LRIG1: variants seen among roughly 807,000 people sequenced by gnomAD.
LRIG1 encodes leucine-rich repeats and immunoglobulin-like domains protein 1.
A neutral mutation model predicts 99.2 loss-of-function variants in LRIG1; 48 were observed. The observed-to-expected ratio is 0.48, with a 90% CI of 0.38 to 0.62. The LOEUF (loss-of-function observed/expected upper bound fraction) is 0.62. LRIG1 is among the 20% of genes least tolerant of loss of function. LRIG1 has a pLI of 0.00. For missense variants in LRIG1, 1,646 were observed against 1,434.4 expected, an observed-to-expected ratio of 1.15 and a Z score of -2.38; for synonymous variants, 772 against 596.1, an observed-to-expected ratio of 1.29 and a Z score of -4.30.
chr3:66,402,590 G>A (rs960704368), intron 9 of LRIG1, among the ~76,000 whole-genome samples: 1 of 151,938 alleles, frequency 6.6e-6, no homozygotes, highest in Non-Finnish European at 1.5e-5. Flanking sequence ...GTAACTCAGC[G>A]AAGGCAGGGG....
intron 1 of LRIG1, among the ~76,000 whole-genome samples, chr3:66,487,385 C>T (rs574225092): frequency 1.3e-5 from 2 of 152,286 alleles, no homozygotes; most frequent in South Asian, 2.1e-4. Flanking sequence ...TCCACACAGG[C>T]CAATCAGGAA....
chr3:66,406,316 T>C, intron 8 of LRIG1: 1 of 985,608 alleles, frequency 1.0e-6, no homozygotes, highest in Non-Finnish European at 1.2e-6. Flanking sequence ...TGTGGCTTTG[T>C]GTGCCTGTCT....
intron 1 of LRIG1, among the ~76,000 whole-genome samples, chr3:66,477,396 TG>T (rs144882228): frequency 0.02 from 3,055 of 152,304 alleles, 70 homozygotes; most frequent in East Asian, 0.049. Context: ...CAGGTAATTC[TG>T]GCAAGGCAAA....
chr3:66,390,861 A>G (rs527760866), intron 12 of LRIG1, among the ~76,000 whole-genome samples: 14 of 152,346 alleles, frequency 9.2e-5, no homozygotes, highest in African/African-American at 2.9e-4. Flanking sequence ...ACTATCAAGA[A>G]AATGAAAAAT....
chr3:66,497,704 CAAAAAAAAAAAA>C (rs71616223), intron 1 of LRIG1, among the ~76,000 whole-genome samples: 3 of 89,266 alleles, frequency 3.4e-5, no homozygotes, highest in East Asian at 8.0e-4. Flanking sequence ...GCACTGTTTA[CAAAAAAAAAAAA>C]AAAAAAAAAA....
intron 3 of LRIG1, among the ~76,000 whole-genome samples, chr3:66,435,590 A>AC (rs1251143631): frequency 2.0e-5 from 3 of 152,136 alleles, no homozygotes; most frequent in Non-Finnish European, 4.4e-5. Context: ...AAAAGAAAAC[A>AC]AAAGACAACC....
At chr3:66,431,429 C>T (rs965796051) in intron 3 of LRIG1, among the ~76,000 whole-genome samples, 4 of 152,332 alleles carry the variant, frequency 2.6e-5, no homozygotes, top group South Asian at 2.1e-4. Context: ...AGCGTCCGCA[C>T]TACCCACGTT....
At chr3:66,492,115 G>A (rs1188071113) in intron 1 of LRIG1, among the ~76,000 whole-genome samples, 1 of 152,182 alleles carries the variant, frequency 6.6e-6, no homozygotes, top group East Asian at 1.9e-4. Context: ...AGCCCAAAGT[G>A]CTAATGCTTG....
intron 2 of LRIG1, among the ~76,000 whole-genome samples, chr3:66,460,588 G>A (rs148625418): frequency 9.4e-4 from 143 of 152,344 alleles, no homozygotes; most frequent in African/African-American, 3.1e-3. Flanking sequence ...GAGAGACCAC[G>A]TGAGGGCACA....
chr3:66,431,375 T>C (rs1703166408), intron 3 of LRIG1, among the ~76,000 whole-genome samples: 2 of 152,050 alleles, frequency 1.3e-5, no homozygotes, highest in African/African-American at 4.8e-5. Context: ...GTGATGAGAG[T>C]GTCCCTTAAG....
Position 66,413,156 on chromosome 3 carries a change from G to A in LRIG1, c.648-142C>T, listed in dbSNP as rs1350907001. ...CCCTGGGAAGCCAGGATGTGTAGGG[G>A]AGCCCACCATGTGTCTCGGCTGCCA... is the stretch of plus-strand genomic sequence containing the variant. On this transcript the variant is annotated intron_variant, in intron 5 of 18. Transcript: ENST00000273261. 8.8e-6 allele frequency: 8 copies of A among 907,078 alleles called. No homozygotes were observed. In the Admixed American group the frequency reaches 1.9e-4, roughly 21 times the overall value. 56.2% of individuals were successfully genotyped at this position (907,078 alleles called of 1,614,324 possible). A position where few individuals can be genotyped will look rare whatever the true frequency, so the allele number is the denominator to read the frequency against.
At chr3:66,420,982 C>CA (rs1159321373) in intron 3 of LRIG1, among the ~76,000 whole-genome samples, 43 of 151,146 alleles carry the variant, frequency 2.8e-4, no homozygotes, top group South Asian at 6.3e-4. Flanking sequence ...TGGCAGCAGG[C>CA]AAAAAAAAGG....
intron 1 of LRIG1, among the ~76,000 whole-genome samples, chr3:66,476,337 C>T (rs904474175): frequency 2.6e-5 from 4 of 152,156 alleles, no homozygotes; most frequent in Admixed American, 2.6e-4. Context: ...CCAATTCTCT[C>T]CAACTCCTTA....
chr3:66,415,953 A>G (rs539270577), intron 4 of LRIG1, among the ~76,000 whole-genome samples: 1 of 152,216 alleles, frequency 6.6e-6, no homozygotes, highest in Non-Finnish European at 1.5e-5. Flanking sequence ...GGAAGGGAGC[A>G]AGGCACTTTT....
At chr3:66,416,108 T>C (rs1702607759) in intron 4 of LRIG1, among the ~76,000 whole-genome samples, 1 of 152,056 alleles carries the variant, frequency 6.6e-6, no homozygotes, top group African/African-American at 2.4e-5. Context: ...AAATAGAAAG[T>C]CCCTCCCACT....
chr3:66,383,784 C>T (rs1232465353), intron 14 of LRIG1, among the ~76,000 whole-genome samples: 2 of 152,170 alleles, frequency 1.3e-5, no homozygotes, highest in Non-Finnish European at 2.9e-5. Context: ...CCTATGAAGA[C>T]TCTTAATTCA....
chr3:66,417,152 T>C lies in LRIG1; in HGVS notation c.480A>G (p.Pro160=). The C allele has an allele frequency of 6.2e-7, 1 of 1,614,174 alleles. No individual in the cohort carries two copies. The highest frequency in any genetic ancestry group is 1.1e-5 in the South Asian group (1 of 91,072). The change falls in exon 4 of 19, where the codon CCA becomes CCG. Residue 160 remains proline, a synonymous_variant. Coordinates refer to ENST00000273261, the MANE Select transcript of LRIG1 (RefSeq NM_015541.3). ...ACAGCTCCTTTATAGGCGGTCCGTGTGGAAAGCAGGTGTTCCGCACTTCCG... is the reference window on the plus strand; with the variant it reads ...ACAGCTCCTTTATAGGCGGTCCGTGCGGAAAGCAGGTGTTCCGCACTTCCG... ...NITEVRNTCF[P]HGPPIKELNL... is the part of the protein sequence containing the mutation.
chr3:66,500,198 C>G lies in LRIG1; in HGVS notation c.210G>C (p.Thr70=). ...GAAAGGGCGGCACTCACAGGCTCCG[C>G]GTCCAGGAGGGCAGGTCCCCGGGCA... ...AALPGDLPSW[T]RSLNLSYNKL... Residue 70 remains threonine, a synonymous_variant, in exon 1 of 19, where the codon ACG becomes ACC. Transcript: ENST00000273261. 6.6e-7 allele frequency: 1 copy of G among 1,515,838 alleles called. No homozygotes were observed. The highest frequency in any genetic ancestry group is 1.4e-5 in the African/African-American group (1 of 70,468). The allele number at this position is 1,515,838 out of a possible 1,614,324, so 93.9% of individuals were successfully genotyped here.
intron 3 of LRIG1, among the ~76,000 whole-genome samples, chr3:66,437,458 C>T (rs1200899322): frequency 2.0e-5 from 3 of 152,214 alleles, no homozygotes; most frequent in African/African-American, 7.2e-5. Flanking sequence ...TGACACCCTG[C>T]CTGCCTCTTC....
Sources: gnomAD v4.1 joint callset for allele counts (sites outside exome capture counted in the v4.1 genomes callset) on GRCh38, gnomAD v4.1.1 for gene constraint, MANE v1.5 for transcripts, NCBI Gene and HGNC (gene_info 2026-07-23, HGNC 2026-07-21) for gene names.